SRBD1: variants seen among roughly 807,000 people sequenced by gnomAD.
SRBD1 encodes S1 RNA binding domain 1.
In SRBD1, 88 loss-of-function variants were observed where a neutral mutation model predicts 115.3. The observed-to-expected ratio is 0.76, with a 90% CI of 0.64 to 0.91. The LOEUF (loss-of-function observed/expected upper bound fraction) is 0.91, where lower values mean the gene tolerates loss of function less well. Ranked by LOEUF, SRBD1 falls within the 40% of genes least tolerant of loss-of-function variation. The pLI, the probability that SRBD1 is intolerant of heterozygous loss-of-function variation, is 0.00. For synonymous variants in SRBD1, 509 were observed against 407.7 expected (o/e 1.25, Z -2.99); for missense variants, 1,385 against 1,177.4 (o/e 1.18, Z -2.58).
chr2:45,555,560 G>A (rs1428342984), intron 10 of SRBD1, among the ~76,000 whole-genome samples: 2 of 140,604 alleles, frequency 1.4e-5, no homozygotes, highest in Non-Finnish European at 3.0e-5. Context: ...GCGCGATCCC[G>A]GCCCACTGCA....
rs200182005 is a variant in SRBD1, at chr2:45,580,060, A to G, written c.934-47T>C. ...CATATGATTATGTTTTAAAAAAACA[A>G]AAGTTAAAACTAGGTTACAAAATTA... On this transcript the variant is annotated intron_variant, in intron 6 of 20. Transcript: ENST00000263736. 1.7e-5 allele frequency: 25 copies of G among 1,434,422 alleles called. No homozygotes were observed. The East Asian group carries it at 4.2e-4, about 24-fold the overall frequency. 88.9% of individuals were successfully genotyped at this position (1,434,422 alleles called of 1,614,324 possible). A position where few individuals can be genotyped will look rare whatever the true frequency, so the allele number is the denominator to read the frequency against.
Position 45,483,141 on chromosome 2 carries a change from G to C in SRBD1, c.1966+5099C>G, listed in dbSNP as rs575595885. Among the ~76,000 whole-genome samples, 9 of 152,208 alleles carry C rather than the reference G, an allele frequency of 5.9e-5. No individual in the cohort carries two copies. In the South Asian group the frequency reaches 1.9e-3, roughly 32 times the overall value. The stretch of plus-strand genomic sequence containing the variant: ...AGGCATATTATAAGCCACAGAAATT[G>C]AGAGAGTTGCATTGTGGTAGTCTAG... On this transcript the variant is annotated intron_variant, in intron 15 of 20. Coordinates refer to ENST00000263736, the MANE Select transcript of SRBD1 (RefSeq NM_018079.5).
intron 14 of SRBD1, among the ~76,000 whole-genome samples, chr2:45,531,969 G>T (rs1671627650): frequency 6.6e-6 from 1 of 151,516 alleles, no homozygotes; most frequent in African/African-American, 2.4e-5. Context: ...CTTTTCTTTG[G>T]CCACCCTCTT....
At chr2:45,537,916 C>G (rs1047262863) in intron 14 of SRBD1, among the ~76,000 whole-genome samples, 8 of 152,036 alleles carry the variant, frequency 5.3e-5, no homozygotes, top group Non-Finnish European at 1.0e-4. Context: ...AGGTGCAAGC[C>G]TAAGGTATGA....
chr2:45,533,280 T>C (rs951466128), intron 14 of SRBD1, among the ~76,000 whole-genome samples: 3 of 152,042 alleles, frequency 2.0e-5, no homozygotes, highest in African/African-American at 4.8e-5. Flanking sequence ...TTGAATTCAC[T>C]ACATTACCTG....
intron 16 of SRBD1, among the ~76,000 whole-genome samples, chr2:45,457,250 G>C (rs1024064460): frequency 6.6e-6 from 1 of 151,932 alleles, no homozygotes; most frequent in African/African-American, 2.4e-5. Context: ...TGTCCACACA[G>C]ATTTGGGAAG....
At chr2:45,494,406 T>A (rs904299206) in intron 14 of SRBD1, among the ~76,000 whole-genome samples, 2 of 152,188 alleles carry the variant, frequency 1.3e-5, no homozygotes, top group Non-Finnish European at 2.9e-5. Context: ...CCAAGCTTTC[T>A]TTTAAAGTTA....
intron 14 of SRBD1, among the ~76,000 whole-genome samples, chr2:45,502,105 A>G (rs1572708369): frequency 6.6e-6 from 1 of 152,202 alleles, no homozygotes; most frequent in Admixed American, 6.5e-5. Flanking sequence ...CAGAGGAACA[A>G]TCAGGCAGCA....
intron 19 of SRBD1, among the ~76,000 whole-genome samples, chr2:45,408,413 C>T (rs1047721386): frequency 6.6e-6 from 1 of 152,162 alleles, no homozygotes; most frequent in Non-Finnish European, 1.5e-5. Flanking sequence ...TTTTGAAGGT[C>T]AGGAGTTGGA....
At chr2:45,517,082 A>G (rs992364182) in intron 14 of SRBD1, among the ~76,000 whole-genome samples, 14 of 152,214 alleles carry the variant, frequency 9.2e-5, no homozygotes, top group African/African-American at 3.4e-4. Flanking sequence ...TATACCAAGA[A>G]ATTAGCTCTT....
intron 1 of SRBD1, among the ~76,000 whole-genome samples, chr2:45,610,815 C>T (rs1026573167): frequency 3.3e-5 from 5 of 152,016 alleles, no homozygotes; most frequent in Non-Finnish European, 7.3e-5. Context: ...GTAGCCCCAG[C>T]TACTCGGGAG....
chr2:45,534,093 G>A (rs540583558), intron 14 of SRBD1, among the ~76,000 whole-genome samples: 2 of 151,908 alleles, frequency 1.3e-5, no homozygotes, highest in Admixed American at 1.3e-4. Context: ...TACAAAACTG[G>A]TAAAACATTT....
intron 15 of SRBD1, among the ~76,000 whole-genome samples, chr2:45,482,669 A>G (rs1477666322): frequency 6.6e-6 from 1 of 151,762 alleles, no homozygotes; most frequent in South Asian, 2.1e-4. Flanking sequence ...ATAAAAATAA[A>G]ACATGCAGAA....
intron 16 of SRBD1, among the ~76,000 whole-genome samples, chr2:45,445,218 A>G (rs1297618983): frequency 1.3e-5 from 2 of 152,156 alleles, no homozygotes; most frequent in African/African-American, 2.4e-5. Flanking sequence ...TCAGCTGAAA[A>G]AAGATTCTGG....
intron 16 of SRBD1, among the ~76,000 whole-genome samples, chr2:45,440,053 T>C (rs1668615519): frequency 6.6e-6 from 1 of 152,178 alleles, no homozygotes; most frequent in South Asian, 2.1e-4. Flanking sequence ...GCCAGAATCA[T>C]TCTCAGCATA....
chr2:45,454,875 G>T (rs564828654), intron 16 of SRBD1, among the ~76,000 whole-genome samples: 1 of 151,798 alleles, frequency 6.6e-6, no homozygotes, highest in African/African-American at 2.4e-5. Flanking sequence ...TGAATCAACA[G>T]AATAATCACA....
chr2:45,522,466 T>C (rs531751462), intron 14 of SRBD1, among the ~76,000 whole-genome samples: 47 of 152,310 alleles, frequency 3.1e-4, no homozygotes, highest in African/African-American at 9.9e-4. Flanking sequence ...GCATGAGCCA[T>C]GCATGGTGCC....
chr2:45,434,841 T>C (rs1412839567), intron 16 of SRBD1, among the ~76,000 whole-genome samples: 1 of 152,058 alleles, frequency 6.6e-6, no homozygotes, highest in Non-Finnish European at 1.5e-5. Context: ...TACACATGTA[T>C]ACATGTGTCA....
chr2:45,562,404 T>A (rs1672694576), intron 10 of SRBD1, among the ~76,000 whole-genome samples: 1 of 152,108 alleles, frequency 6.6e-6, no homozygotes, highest in Non-Finnish European at 1.5e-5. Context: ...TTTTTTGTTT[T>A]TGTATTTTCA....
Sources: gnomAD v4.1 joint callset for allele counts (sites outside exome capture counted in the v4.1 genomes callset) on GRCh38, gnomAD v4.1.1 for gene constraint, MANE v1.5 for transcripts, NCBI Gene and HGNC (gene_info 2026-07-23, HGNC 2026-07-21) for gene names.